The following KIF13A variants were observed in gnomAD, a reference collection of about 807,000 sequenced individuals.
The protein encoded by KIF13A is kinesin family member 13A.
KIF13A carries 79 observed loss-of-function variants against 212.2 expected under a neutral mutation model. That is an observed-to-expected ratio of 0.37 (90% confidence interval 0.31 to 0.45). The LOEUF is 0.45. Among genes scored for constraint, KIF13A ranks in the 20% least tolerant of loss-of-function variants. The pLI is 1.00. For synonymous variants in KIF13A, 789 were observed against 808.6 expected (o/e 0.98, Z 0.41); for missense variants, 1,901 against 2,209.0 (o/e 0.86, Z 2.79).
chr6:17,764,135 G>A lies in KIF13A; in HGVS notation c.5393C>T (p.Ala1798Val), dbSNP rs1445418822. The A allele has an allele frequency of 6.2e-7, 1 of 1,613,976 alleles. No homozygotes were observed. The highest frequency in any genetic ancestry group is 1.1e-5 in the South Asian group (1 of 91,068). The part of the protein sequence containing the change: ...ENDQVIIPEA[A>V]FWVLCCQ Reference sequence around the variant, plus strand: ...TCATTGACAGCACAGAACCCAAAAGGCTGCCTCTGGAATTATTACCTGGTC... The same window carrying A: ...TCATTGACAGCACAGAACCCAAAAGACTGCCTCTGGAATTATTACCTGGTC... The change falls in exon 39 of 39, where the codon GCC (alanine) becomes GTC (valine). Residue 1798 changes from alanine to valine, a missense_variant. By Grantham distance (64) the Ala-to-Val change is moderately conservative. Around this residue, in one of 5 missense-constraint regions of KIF13A, gnomAD observed 687 missense variants for 759.1 expected, o/e 0.90. Transcript: ENST00000259711. The surrounding 1 kb of genome is among the most constrained non-coding windows in gnomAD (Gnocchi z 5.1).
rs562050182 is a variant in KIF13A at position 17,951,863 on chromosome 6, T to C, written c.146+35191A>G. ...ATATTCTTCATCAGTTGATGGACAT[T>C]TGGTGACTCATTACAAAAATCTTTT... On this transcript the variant is annotated intron_variant, in intron 2 of 38. Transcript: ENST00000259711. This position sits in a 1 kb window ranked among gnomAD's most constrained non-coding sequence, Gnocchi z 4.9. 6.6e-6 allele frequency among the ~76,000 whole-genome samples: 1 copy of C among 152,348 alleles called. No individual in the cohort carries two copies. The highest frequency in any genetic ancestry group is 1.9e-4 in the East Asian group (1 of 5,192).
rs1261076233 is a variant in KIF13A at position 17,773,537 on chromosome 6, T to C, written c.4265A>G (p.Tyr1422Cys). ...AGTTCCATAACATGCTACATCTTGG[T>C]AACTGGAGCTATAGTCAGACATGTC... ...QLDMSDYSSSYQDVACYGTLP... is the reference protein window; with the variant it reads ...QLDMSDYSSSCQDVACYGTLP... The change falls in exon 36 of 39, where the codon TAC becomes TGC. Residue 1422 changes from tyrosine to cysteine, a missense_variant. Tyr to Cys is a radical substitution (Grantham distance 194). Transcript: ENST00000259711. This position sits in a 1 kb window ranked among gnomAD's most constrained non-coding sequence, Gnocchi z 4.2. 4.3e-6 allele frequency: 7 copies of C among 1,612,214 alleles called. No homozygotes were observed. Among genetic ancestry groups the C allele is most frequent in the Admixed American group, 1.7e-5 (1 of 59,968 alleles).
At position 17,914,867 on chromosome 6, in the gene KIF13A, G is replaced by C. The variant is rs1478181813; in HGVS notation, c.147-16687C>G. Among the ~76,000 whole-genome samples, 1 of 152,186 alleles carries C rather than the reference G, an allele frequency of 6.6e-6. No individual in the cohort carries two copies. Among genetic ancestry groups the C allele is most frequent in the Non-Finnish European group, 1.5e-5 (1 of 68,034 alleles). On this transcript the variant is annotated intron_variant, in intron 2 of 38. Coordinates refer to ENST00000259711, the MANE Select transcript of KIF13A (RefSeq NM_022113.6). This position sits in a 1 kb window ranked among gnomAD's most constrained non-coding sequence, Gnocchi z 5.9. The stretch of plus-strand genomic sequence containing the variant: ...CATGTCTTCAAAAGTATCACACAGT[G>C]AGGCTTTCCCAAAATGCAGCATGAA...
rs569911047 is a variant in KIF13A at position 17,785,176 on chromosome 6, C to T, written c.3488+339G>A. Among the ~76,000 whole-genome samples, 320 of 152,260 alleles carry T rather than the reference C, an allele frequency of 2.1e-3. 1 individual carries two copies. Among genetic ancestry groups the T allele is most frequent in the African/African-American group, 7.4e-3 (309 of 41,542 alleles). ...CAATACTACCAAAAAAATAGCTCCA[C>T]TAATATATTTTCTGTCCTATTCAAA... On this transcript the variant is annotated intron_variant, in intron 28 of 38. Transcript: ENST00000259711. The surrounding 1 kb of genome is among the most constrained non-coding windows in gnomAD (Gnocchi z 5.8).
rs757989336 is a variant in KIF13A, at chr6:17,817,022, C to G, written c.1998G>C (p.Glu666Asp). ...GCTGCCCCCGCTGCAGTTCTTACCTCTCTTCTGCCCACTGGGTCACCTTCT... is the reference window on the plus strand; with the variant it reads ...GCTGCCCCCGCTGCAGTTCTTACCTGTCTTCTGCCCACTGGGTCACCTTCT... The part of the protein sequence containing the change: ...AQQKVTQWAE[E>D]RDELFRQSLA... Residue 666 changes from glutamate to aspartate, a missense_variant and splice_region_variant, in exon 17 of 39, where the codon GAG becomes GAC. Glu to Asp is a conservative substitution (Grantham distance 45). Coordinates refer to ENST00000259711, the MANE Select transcript of KIF13A (RefSeq NM_022113.6). The G allele has an allele frequency of 2.5e-6, 4 of 1,609,826 alleles. No individual in the cohort carries two copies. Among genetic ancestry groups the G allele is most frequent in the Non-Finnish European group, 3.4e-6 (4 of 1,178,806 alleles).
rs563587334 is a variant in KIF13A, at chr6:17,842,728, A to T, written c.831-5145T>A. ...CATGTTTTAAGATAGAATTTTTTTT[A>T]AAAAAATCTATCAATCATAATGAAG... On this transcript the variant is annotated intron_variant, in intron 9 of 38. Coordinates refer to ENST00000259711, the MANE Select transcript of KIF13A (RefSeq NM_022113.6). 2.9e-3 allele frequency among the ~76,000 whole-genome samples: 438 copies of T among 152,216 alleles called. 2 individuals are homozygous for T. Among genetic ancestry groups the T allele is most frequent in the African/African-American group, 6.6e-3 (275 of 41,540 alleles).
chr6:17,925,550 C>T (rs536294135), intron 2 of KIF13A, among the ~76,000 whole-genome samples: 90 of 152,328 alleles, frequency 5.9e-4, no homozygotes, highest in African/African-American at 2.2e-3. Flanking sequence ...TCCATCATCA[C>T]TTTGAAGGCA....
chr6:17,858,053 A>G (rs1000684201), intron 4 of KIF13A, among the ~76,000 whole-genome samples: 1 of 151,984 alleles, frequency 6.6e-6, no homozygotes, highest in Admixed American at 6.6e-5. Flanking sequence ...AACTGTGCAT[A>G]TAATGTAAAA....
chr6:17,821,810 G>A, intron 16 of KIF13A: 2 of 1,535,376 alleles, frequency 1.3e-6, no homozygotes, highest in Non-Finnish European at 1.7e-6. Context: ...TTGTGGAGGA[G>A]CTTCGTCTGA....
Position 17,825,648 on chromosome 6 carries a change from G to A in KIF13A, c.1786+120C>T. 1.1e-6 allele frequency: 1 copy of A among 869,650 alleles called. No individual in the cohort carries two copies. The highest frequency in any genetic ancestry group is 1.8e-5 in the South Asian group (1 of 56,684). 53.9% of individuals were successfully genotyped at this position (869,650 alleles called of 1,614,324 possible). A position where few individuals can be genotyped will look rare whatever the true frequency, so the allele number is the denominator to read the frequency against. ...CACTGATGGCCTTTTAAAGAAATGA[G>A]CAGTTTTATGTGTTTAAAATGTGGA... On this transcript the variant is annotated intron_variant, in intron 16 of 38. Coordinates refer to ENST00000259711, the MANE Select transcript of KIF13A (RefSeq NM_022113.6). This position sits in a 1 kb window ranked among gnomAD's most constrained non-coding sequence, Gnocchi z 4.5.
intron 12 of KIF13A, among the ~76,000 whole-genome samples, chr6:17,831,556 G>A (rs915537729): frequency 6.6e-6 from 1 of 151,616 alleles, no homozygotes; most frequent in South Asian, 2.1e-4. Context: ...GGGCTTCCCA[G>A]GAGAGACATC....
At chr6:17,924,759 T>C (rs1775353433) in intron 2 of KIF13A, among the ~76,000 whole-genome samples, 1 of 152,220 alleles carries the variant, frequency 6.6e-6, no homozygotes, top group African/African-American at 2.4e-5. Flanking sequence ...AGAAGGCTGC[T>C]AAGAAGCAAA....
chr6:17,926,436 T>A lies in KIF13A; in HGVS notation c.147-28256A>T, dbSNP rs1167616958. Among the ~76,000 whole-genome samples the A allele has an allele frequency of 6.6e-6, 1 of 152,168 alleles. No individual in the cohort carries two copies. Among genetic ancestry groups the A allele is most frequent in the East Asian group, 1.9e-4 (1 of 5,178 alleles). On this transcript the variant is annotated intron_variant, in intron 2 of 38. Transcript: ENST00000259711. The surrounding 1 kb of genome is among the most constrained non-coding windows in gnomAD (Gnocchi z 4.3). ...TTAGTAGAGATGGTGTTTTGCCATG[T>A]TGGCCAGGCTGGTCTTGAACTCCAG...
intron 2 of KIF13A, among the ~76,000 whole-genome samples, chr6:17,910,629 T>C (rs1372392676): frequency 6.6e-6 from 1 of 152,272 alleles, no homozygotes; most frequent in Non-Finnish European, 1.5e-5. Flanking sequence ...TTAGTTTTTG[T>C]CAAAAATGTT....
intron 2 of KIF13A, among the ~76,000 whole-genome samples, chr6:17,986,342 G>T (rs1383506616): frequency 6.6e-6 from 1 of 152,192 alleles, no homozygotes; most frequent in African/African-American, 2.4e-5. Context: ...GCATGGAACA[G>T]AACGGAATTA....
intron 4 of KIF13A, among the ~76,000 whole-genome samples, chr6:17,865,048 G>A (rs1769218392): frequency 6.6e-6 from 1 of 152,212 alleles, no homozygotes; most frequent in Admixed American, 6.5e-5. Flanking sequence ...TCTAGAAAGT[G>A]AGAGAATGAA....
intron 16 of KIF13A, among the ~76,000 whole-genome samples, chr6:17,822,188 C>A (rs376277451): frequency 6.6e-6 from 1 of 151,980 alleles, no homozygotes; most frequent in Non-Finnish European, 1.5e-5. Flanking sequence ...ACTACAGGCA[C>A]GCATCACTAC....
downstream of KIF13A, among the ~76,000 whole-genome samples, chr6:17,762,032 G>A (rs897633691): frequency 1.3e-5 from 2 of 152,036 alleles, no homozygotes; most frequent in African/African-American, 4.8e-5. Flanking sequence ...CTGGATGGCA[G>A]TGACTCCTGG....
In KIF13A at chr6:17,982,471, T is replaced by C. The variant is rs1244580619; in HGVS notation, c.146+4583A>G. 1 of 978,240 alleles carries C rather than the reference T, an allele frequency of 1.0e-6. No individual in the cohort carries two copies. The highest frequency in any genetic ancestry group is 1.8e-5 in the African/African-American group (1 of 57,076). 60.6% of individuals were successfully genotyped at this position (978,240 alleles called of 1,614,324 possible). A position where few individuals can be genotyped will look rare whatever the true frequency, so the allele number is the denominator to read the frequency against. Reference sequence around the variant, plus strand: ...GCTGGTGAATAAACTAAAAAATACATACAAAGTTTAGTAAGAGGAAGCTTT... The same window carrying C: ...GCTGGTGAATAAACTAAAAAATACACACAAAGTTTAGTAAGAGGAAGCTTT... On this transcript the variant is annotated intron_variant, in intron 2 of 38. Transcript: ENST00000259711. This position sits in a 1 kb window ranked among gnomAD's most constrained non-coding sequence, Gnocchi z 5.1.
Sources: gnomAD v4.1 joint callset for allele counts (sites outside exome capture counted in the v4.1 genomes callset) on GRCh38, gnomAD v4.1.1 for gene constraint, gnomAD v4.1.1 regional missense constraint, Gnocchi (gnomAD v3.1) non-coding constraint, MANE v1.5 for transcripts, NCBI Gene and HGNC (gene_info 2026-07-23, HGNC 2026-07-21) for gene names.